JPH1: variants seen among roughly 807,000 people sequenced by gnomAD.
JPH1 encodes junctophilin-1.
Under a neutral mutation model 53.6 loss-of-function variants are expected in JPH1, and 12 were observed. The observed-to-expected ratio is 0.22, with a 90% CI of 0.14 to 0.36. JPH1 has a LOEUF of 0.36. JPH1 is among the 10% of genes least tolerant of loss of function. The pLI is 1.00. For synonymous variants in JPH1, 375 were observed against 363.8 expected, an observed-to-expected ratio of 1.03 and a Z score of -0.35; for missense variants, 808 against 905.5, an observed-to-expected ratio of 0.89 and a Z score of 1.38.
At chr8:74,240,539 A>G (rs1805665588) in intron 4 of JPH1, among the ~76,000 whole-genome samples, 1 of 152,128 alleles carries the variant, frequency 6.6e-6, no homozygotes, top group Non-Finnish European at 1.5e-5. Context: ...GGCTTCTTTC[A>G]CTTCACATCA....
At chr8:74,291,784 C>T (rs1188167213) in intron 2 of JPH1, among the ~76,000 whole-genome samples, 1 of 152,170 alleles carries the variant, frequency 6.6e-6, no homozygotes, top group Non-Finnish European at 1.5e-5. Flanking sequence ...CCCAAATGTC[C>T]ATCAATGATA....
intron 4 of JPH1, among the ~76,000 whole-genome samples, chr8:74,239,999 T>G (rs964118876): frequency 3.6e-4 from 55 of 152,208 alleles, no homozygotes; most frequent in Non-Finnish European, 5.6e-4. Context: ...TGAGGTGGAG[T>G]CTTGCTCTGT....
intron 2 of JPH1, among the ~76,000 whole-genome samples, chr8:74,264,352 G>T (rs531752266): frequency 6.6e-6 from 1 of 152,146 alleles, no homozygotes; most frequent in South Asian, 2.1e-4. Flanking sequence ...ATAACTTTAA[G>T]ACAGAATTCT....
intron 2 of JPH1, among the ~76,000 whole-genome samples, chr8:74,273,892 C>T (rs963195763): frequency 6.6e-6 from 1 of 152,130 alleles, no homozygotes; most frequent in African/African-American, 2.4e-5. Flanking sequence ...GGTGTCTTAT[C>T]TTCTGTTGTT....
rs1156612646 is a variant in JPH1, at chr8:74,235,385, G to A, written c.*1666C>T. 6.6e-6 allele frequency: 1 copy of A among 152,264 alleles called. No individual in the cohort carries two copies. Among genetic ancestry groups the A allele is most frequent in the African/African-American group, 2.4e-5 (1 of 41,326 alleles). The allele number at this position is 152,264 out of a possible 1,614,324, so 9.4% of individuals were successfully genotyped here. On this transcript the variant is annotated 3_prime_UTR_variant, in exon 6 of 6. Transcript: ENST00000342232. ...TTTTCAACATATTGTGCTTCTGTAA[G>A]AAACATCACTGGGTTACTACCCTGC...
intron 2 of JPH1, among the ~76,000 whole-genome samples, chr8:74,304,965 T>A (rs1807791272): frequency 6.6e-6 from 1 of 152,238 alleles, no homozygotes; most frequent in South Asian, 2.1e-4. Flanking sequence ...CAGCTTATTT[T>A]GAATTTAGCA....
chr8:74,245,342 C>T (rs1285715728), intron 3 of JPH1, among the ~76,000 whole-genome samples, 167 bp from the exon 4 acceptor site: 2 of 152,158 alleles, frequency 1.3e-5, no homozygotes, highest in Non-Finnish European at 1.5e-5. Context: ...GGAAAGGCTG[C>T]TTTTAAGATA....
At position 74,290,662 on chromosome 8, in the gene JPH1, C is replaced by A. The variant is rs7817919; in HGVS notation, c.1139+24199G>T. On this transcript the variant is annotated intron_variant, in intron 2 of 5. Coordinates refer to ENST00000342232, the MANE Select transcript of JPH1 (RefSeq NM_020647.4). ...GTTCATATGGAACCAAAAAAGACCC[C>A]ACATTGCCAAGACAATCCTAAACCA... is the stretch of plus-strand genomic sequence containing the variant. 6.1e-3 allele frequency among the ~76,000 whole-genome samples: 934 copies of A among 152,268 alleles called. 14 individuals carry two copies. Among genetic ancestry groups the A allele is most frequent in the African/African-American group, 0.02 (850 of 41,542 alleles).
At position 74,276,701 on chromosome 8, in the gene JPH1, A is replaced by G. The variant is rs142751365; in HGVS notation, c.1140-17198T>C. 5.8e-3 allele frequency among the ~76,000 whole-genome samples: 887 copies of G among 152,328 alleles called. 13 individuals carry two copies. Among genetic ancestry groups the G allele is most frequent in the African/African-American group, 0.02 (847 of 41,576 alleles). ...GGTGACCTGAAGGTAAGAACTGCAC[A>G]TGCACACCTGCATCCCACCCCACTG... On this transcript the variant is annotated intron_variant, in intron 2 of 5. Transcript: ENST00000342232.
chr8:74,267,215 C>T (rs1806558191), intron 2 of JPH1, among the ~76,000 whole-genome samples: 1 of 152,158 alleles, frequency 6.6e-6, no homozygotes, highest in Non-Finnish European at 1.5e-5. Context: ...CTGTGAGCGT[C>T]ATGTCACAGA....
At chr8:74,271,573 C>A (rs1222109686) in intron 2 of JPH1, among the ~76,000 whole-genome samples, 1 of 152,230 alleles carries the variant, frequency 6.6e-6, no homozygotes, top group African/African-American at 2.4e-5. Context: ...TGTGAAAAAT[C>A]CCCTTCCATT....
At chr8:74,309,838 G>A (rs896037820) in intron 2 of JPH1, among the ~76,000 whole-genome samples, 3 of 152,202 alleles carry the variant, frequency 2.0e-5, no homozygotes, top group African/African-American at 7.2e-5. Context: ...AATGTGGGGG[G>A]CTTGGACCAG....
At chr8:74,254,165 T>C (rs1317410268) in intron 3 of JPH1, among the ~76,000 whole-genome samples, 1 of 152,062 alleles carries the variant, frequency 6.6e-6, no homozygotes, top group Non-Finnish European at 1.5e-5. Flanking sequence ...GCAAACCGAA[T>C]CCAGCAACAC....
At chr8:74,286,548 G>A (rs7833001) in intron 2 of JPH1, among the ~76,000 whole-genome samples, 45,900 of 140,778 alleles carry the variant, frequency 0.33, 7,056 homozygotes, top group African/African-American at 0.4. Flanking sequence ...TGTACCCATT[G>A]GCCAACCTCT....
At chr8:74,250,701 G>A (rs1806020436) in intron 3 of JPH1, among the ~76,000 whole-genome samples, 1 of 152,040 alleles carries the variant, frequency 6.6e-6, no homozygotes, top group Admixed American at 6.5e-5. Context: ...CTTCTTATGT[G>A]GCCCAGGGAA....
intron 2 of JPH1, among the ~76,000 whole-genome samples, chr8:74,269,290 G>C (rs1228897761): frequency 6.6e-6 from 1 of 152,112 alleles, no homozygotes; most frequent in Non-Finnish European, 1.5e-5. Context: ...TCCTTTCCAA[G>C]GTACACATTT....
chr8:74,308,093 A>G (rs1807890241), intron 2 of JPH1, among the ~76,000 whole-genome samples: 1 of 152,250 alleles, frequency 6.6e-6, no homozygotes, highest in South Asian at 2.1e-4. Flanking sequence ...CCTCCAAACA[A>G]GAAAAACTTT....
At chr8:74,300,515 T>G (rs1476456184) in intron 2 of JPH1, among the ~76,000 whole-genome samples, 2 of 152,210 alleles carry the variant, frequency 1.3e-5, no homozygotes, top group African/African-American at 2.4e-5. Flanking sequence ...GAATAACTGG[T>G]AAGTGAGTTG....
intron 2 of JPH1, among the ~76,000 whole-genome samples, chr8:74,266,281 G>C (rs1453049527): frequency 2.6e-5 from 4 of 151,918 alleles, no homozygotes; most frequent in Non-Finnish European, 5.9e-5. Flanking sequence ...CTTTATCAGA[G>C]AGATGATCTG....
Sources: allele counts gnomAD v4.1 joint callset (sites outside exome capture counted in the v4.1 genomes callset), GRCh38; gene constraint gnomAD v4.1.1; transcripts MANE v1.5; gene names NCBI Gene and HGNC (gene_info 2026-07-23, HGNC 2026-07-21).